The following STAB2 variants were observed in gnomAD, a reference collection of about 807,000 sequenced individuals.
The protein encoded by STAB2 is stabilin 2.
Under a neutral mutation model 338.1 loss-of-function variants are expected in STAB2, and 288 were observed. The observed-to-expected ratio is 0.85, with a 90% CI of 0.77 to 0.94. The LOEUF is 0.94. Among genes scored for constraint, STAB2 ranks in the 40% least tolerant of loss-of-function variants. The pLI, the probability that STAB2 is intolerant of heterozygous loss-of-function variation, is 0.00. For missense variants in STAB2, 3,141 were observed against 3,210.1 expected, an observed-to-expected ratio of 0.98 and a Z score of 0.52; for synonymous variants, 1,202 against 1,193.3, an observed-to-expected ratio of 1.01 and a Z score of -0.15.
At chr12:103,604,698 A>C (rs945724160) in intron 3 of STAB2, among the ~76,000 whole-genome samples, 12 of 151,786 alleles carry the variant, frequency 7.9e-5, no homozygotes, top group Admixed American at 7.2e-4. Flanking sequence ...ATTTGTAGTG[A>C]TGTCCCCTCT....
intron 3 of STAB2, among the ~76,000 whole-genome samples, chr12:103,609,122 A>G (rs1160002979): frequency 1.3e-5 from 2 of 152,168 alleles, no homozygotes; most frequent in African/African-American, 4.8e-5. Flanking sequence ...AGGTAGTGTG[A>G]TGCCTCCGGC....
chr12:103,715,670 C>T lies in STAB2; in HGVS notation c.4538-145C>T. The T allele has an allele frequency of 3.5e-6, 3 of 847,070 alleles. No homozygotes were observed. The South Asian group carries it at 5.0e-5, about 14-fold the overall frequency. 52.5% of individuals were successfully genotyped at this position (847,070 alleles called of 1,614,324 possible). The stretch of plus-strand genomic sequence containing the variant: ...CAGTACCCTCCTAGTTCAGTTATTT[C>T]TGTCTCAGAACTTCCAGAAAACTGA... On this transcript the variant is annotated intron_variant, in intron 42 of 68. Coordinates refer to ENST00000388887, the MANE Select transcript of STAB2 (RefSeq NM_017564.10).
At chr12:103,636,135 G>A (rs1269331872) in intron 6 of STAB2, among the ~76,000 whole-genome samples, 1 of 151,724 alleles carries the variant, frequency 6.6e-6, no homozygotes, top group Non-Finnish European at 1.5e-5. Context: ...CCATGTTGGT[G>A]TGCTGCACCC....
intron 9 of STAB2, 83 bp downstream of exon 9, chr12:103,640,339 G>T: frequency 6.5e-7 from 1 of 1,541,808 alleles, no homozygotes; most frequent in South Asian, 1.3e-5. Flanking sequence ...TTGAAGGGGA[G>T]GAAATGTGTC....
chr12:103,638,327 G>C lies in STAB2; in HGVS notation c.906+115G>C, dbSNP rs571945080. The C allele has an allele frequency of 2.2e-5, 27 of 1,211,614 alleles. No homozygotes were observed. In the South Asian group the frequency reaches 3.4e-4, roughly 15 times the overall value. 75.1% of individuals were successfully genotyped at this position (1,211,614 alleles called of 1,614,324 possible). A position where few individuals can be genotyped will look rare whatever the true frequency, so the allele number is the denominator to read the frequency against. On this transcript the variant is annotated intron_variant, in intron 8 of 68. Coordinates refer to ENST00000388887, the MANE Select transcript of STAB2 (RefSeq NM_017564.10). ...ATTCTCCCTTTCAATGTTCCGCTTG[G>C]TCTTCCCCTCCAGACAGTCCTCCAT...
chr12:103,676,094 C>T, intron 24 of STAB2, 73 bp downstream of exon 24: 1 of 1,087,664 alleles, frequency 9.2e-7, no homozygotes, highest in South Asian at 1.7e-5. Flanking sequence ...CAGAGTCTCG[C>T]TCTGTCGCCC....
intron 5 of STAB2, among the ~76,000 whole-genome samples, chr12:103,626,543 A>G (rs1403844730): frequency 2.6e-5 from 4 of 152,236 alleles, no homozygotes; most frequent in Admixed American, 1.3e-4. Context: ...CAATCAATGG[A>G]AGTATTAAGT....
chr12:103,625,684 T>C (rs1593155889), intron 5 of STAB2, among the ~76,000 whole-genome samples: 2 of 152,238 alleles, frequency 1.3e-5, no homozygotes, highest in African/African-American at 4.8e-5. Context: ...ACAAAGGACA[T>C]GAACTCATCA....
chr12:103,644,561 A>G (rs985325681), intron 9 of STAB2, among the ~76,000 whole-genome samples: 1 of 145,792 alleles, frequency 6.9e-6, no homozygotes, highest in Non-Finnish European at 1.5e-5. Flanking sequence ...AAATAAATAA[A>G]TAAATAAATA....
At chr12:103,727,238 A>G (rs1209815554) in intron 46 of STAB2, 29 bp from the exon 47 acceptor site, 1 of 1,612,198 alleles carries the variant, frequency 6.2e-7, no homozygotes, top group East Asian at 2.2e-5. Context: ...TAAGTGAGTG[A>G]TGTGTGAGCC....
chr12:103,652,368 T>C (rs770494681), intron 11 of STAB2, among the ~76,000 whole-genome samples, 188 bp from the exon 12 acceptor site: 42 of 152,228 alleles, frequency 2.8e-4, no homozygotes, highest in Non-Finnish European at 4.7e-4. Context: ...TGGCCCAGGT[T>C]GATTGCACTG....
chr12:103,724,012 A>T (rs1256409528), intron 44 of STAB2, among the ~76,000 whole-genome samples: 1 of 152,182 alleles, frequency 6.6e-6, no homozygotes, highest in Non-Finnish European at 1.5e-5. Flanking sequence ...CAGGGGTGGT[A>T]GAGGCCGTTG....
At position 103,695,722 on chromosome 12, in the gene STAB2, C is replaced by T; in HGVS notation, c.3475-15C>T. 1 of 1,614,174 alleles carries T rather than the reference C, an allele frequency of 6.2e-7. No individual in the cohort carries two copies. Among genetic ancestry groups the T allele is most frequent in the Non-Finnish European group, 8.5e-7 (1 of 1,180,004 alleles). Reference sequence around the variant, plus strand: ...ACAGGAATCCCTCATGCACTCTTGTCTCTTTCCATCGCAGCAATATAATCT... The same window carrying T: ...ACAGGAATCCCTCATGCACTCTTGTTTCTTTCCATCGCAGCAATATAATCT... On this transcript the variant is annotated splice_polypyrimidine_tract_variant and intron_variant, in intron 32 of 68. Transcript: ENST00000388887.
chr12:103,699,325 C>T (rs1878666549), intron 34 of STAB2, 98 bp downstream of exon 34: 1 of 1,435,964 alleles, frequency 7.0e-7, no homozygotes. Flanking sequence ...TCCTTCATCA[C>T]TTCTGTATTA....
At chr12:103,735,169 C>T (rs1212227612) in intron 51 of STAB2, among the ~76,000 whole-genome samples, 2 of 152,110 alleles carry the variant, frequency 1.3e-5, no homozygotes, top group Non-Finnish European at 2.9e-5. Flanking sequence ...ATGTCATTTC[C>T]CAGCCTCACC....
At chr12:103,726,369 G>A (rs538018787) in intron 46 of STAB2, among the ~76,000 whole-genome samples, 4 of 152,314 alleles carry the variant, frequency 2.6e-5, no homozygotes, top group African/African-American at 7.2e-5. Flanking sequence ...GCGCAGGCCT[G>A]TAGTCCCAGC....
chr12:103,633,917 A>G (rs900816702), intron 6 of STAB2, among the ~76,000 whole-genome samples: 5 of 152,210 alleles, frequency 3.3e-5, no homozygotes, highest in African/African-American at 1.2e-4. Flanking sequence ...CTAAATTTGA[A>G]GGTATGCTTA....
At chr12:103,604,994 T>G (rs1957006279) in intron 3 of STAB2, among the ~76,000 whole-genome samples, 1 of 151,872 alleles carries the variant, frequency 6.6e-6, no homozygotes, top group Admixed American at 6.6e-5. Flanking sequence ...ATAAATTTCC[T>G]TGTAAGCACT....
chr12:103,660,877 A>C, intron 17 of STAB2, 114 bp downstream of exon 17: 1 of 1,154,820 alleles, frequency 8.7e-7, no homozygotes, highest in Non-Finnish European at 1.3e-6. Context: ...AATCTTTATG[A>C]TTATTTCATT....
Sources: allele counts gnomAD v4.1 joint callset (sites outside exome capture counted in the v4.1 genomes callset), GRCh38; gene constraint gnomAD v4.1.1; transcripts MANE v1.5; gene names NCBI Gene and HGNC (gene_info 2026-07-23, HGNC 2026-07-21).